The following LRRC8B variants were observed in gnomAD, a reference collection of about 807,000 sequenced individuals.
LRRC8B encodes the protein volume-regulated anion channel subunit LRRC8B.
Under a neutral mutation model 58.8 loss-of-function variants are expected in LRRC8B, and 23 were observed. The ratio of observed to expected loss-of-function variants is 0.39; its 90% CI spans 0.28 to 0.55. The LOEUF (loss-of-function observed/expected upper bound fraction) is 0.55. LRRC8B is among the 20% of genes least tolerant of loss of function. The probability of loss-of-function intolerance (pLI) is 0.62; values close to 1 mark genes in which losing one functional copy is unlikely to be tolerated. For missense variants in LRRC8B, 694 were observed against 936.0 expected, an observed-to-expected ratio of 0.74 and a Z score of 3.37; for synonymous variants, 359 against 374.1, an observed-to-expected ratio of 0.96 and a Z score of 0.47.
intron 1 of LRRC8B, among the ~76,000 whole-genome samples, chr1:89,542,829 A>G (rs1304176175): frequency 2.0e-5 from 3 of 152,208 alleles, no homozygotes; most frequent in Non-Finnish European, 4.4e-5. Flanking sequence ...AGCATATTCA[A>G]CTACTTCAAC....
intron 1 of LRRC8B, among the ~76,000 whole-genome samples, chr1:89,539,137 A>C (rs1454512878): frequency 6.6e-6 from 1 of 152,194 alleles, no homozygotes; most frequent in Non-Finnish European, 1.5e-5. Flanking sequence ...TGCTCTCTTA[A>C]AGGCAAAGAA....
At chr1:89,531,299 A>C (rs950097810) in intron 1 of LRRC8B, among the ~76,000 whole-genome samples, 1 of 152,264 alleles carries the variant, frequency 6.6e-6, no homozygotes, top group African/African-American at 2.4e-5. Context: ...ATAGCTTCAC[A>C]GGAAAAAAAG....
intron 1 of LRRC8B, among the ~76,000 whole-genome samples, chr1:89,543,756 A>G (rs577365221): frequency 3.5e-4 from 53 of 151,974 alleles, no homozygotes; most frequent in African/African-American, 1.3e-3. Context: ...TTGGCCTCCC[A>G]AAGTGCTGGG....
chr1:89,553,989 C>T (rs1427641755), intron 1 of LRRC8B, among the ~76,000 whole-genome samples: 1 of 152,154 alleles, frequency 6.6e-6, no homozygotes, highest in African/African-American at 2.4e-5. Flanking sequence ...ATTCCTCTCT[C>T]CTTGTAAAAA....
intron 1 of LRRC8B, among the ~76,000 whole-genome samples, chr1:89,543,737 C>A (rs1046179729): frequency 3.3e-5 from 5 of 151,814 alleles, no homozygotes; most frequent in African/African-American, 1.2e-4. Context: ...CTCAGATGAT[C>A]CACCCACCTT....
At chr1:89,551,844 T>G (rs1189947278) in intron 1 of LRRC8B, among the ~76,000 whole-genome samples, 1 of 152,236 alleles carries the variant, frequency 6.6e-6, no homozygotes, top group Non-Finnish European at 1.5e-5. Context: ...TAGAATTGAC[T>G]CAGTTTCTTA....
intron 3 of LRRC8B, among the ~76,000 whole-genome samples, chr1:89,574,560 C>G (rs1482841116): frequency 6.6e-6 from 1 of 152,168 alleles, no homozygotes; most frequent in Non-Finnish European, 1.5e-5. Flanking sequence ...AGCAAAATAT[C>G]AGAAGCTCTG....
intron 3 of LRRC8B, among the ~76,000 whole-genome samples, chr1:89,575,323 T>A (rs545139711): frequency 6.6e-6 from 1 of 152,312 alleles, no homozygotes; most frequent in Non-Finnish European, 1.5e-5. Context: ...TAGCTTTCAC[T>A]TTTATGCTTG....
Position 89,596,930 on chromosome 1 carries a change from A to C in LRRC8B, c.*3887A>C, listed in dbSNP as rs1655332495. Reference sequence around the variant, plus strand: ...TTTCAGTAACTGTACATTGCATCAGAATCTGTTTATTTCTATCTGGAAACA... The same window carrying C: ...TTTCAGTAACTGTACATTGCATCAGCATCTGTTTATTTCTATCTGGAAACA... On this transcript the variant is annotated 3_prime_UTR_variant, in exon 6 of 6. Coordinates refer to ENST00000330947, the MANE Select transcript of LRRC8B (RefSeq NM_001369817.2). The C allele has an allele frequency of 6.6e-6, 1 of 152,186 alleles. No individual in the cohort carries two copies. Among genetic ancestry groups the C allele is most frequent in the Admixed American group, 6.5e-5 (1 of 15,282 alleles). The allele number at this position is 152,186 out of a possible 1,614,324, so 9.4% of individuals were successfully genotyped here.
At chr1:89,564,292 C>T (rs1456995254) in intron 1 of LRRC8B, among the ~76,000 whole-genome samples, 5 of 152,178 alleles carry the variant, frequency 3.3e-5, no homozygotes, top group African/African-American at 9.7e-5. Context: ...AGATGGAATA[C>T]TGAGCAATGA....
intron 1 of LRRC8B, among the ~76,000 whole-genome samples, chr1:89,535,691 A>G (rs1197738365): frequency 6.6e-6 from 1 of 152,206 alleles, no homozygotes; most frequent in Non-Finnish European, 1.5e-5. Context: ...TTATTAGACT[A>G]GATACAAAAA....
intron 3 of LRRC8B, among the ~76,000 whole-genome samples, chr1:89,577,217 A>G (rs960772536): frequency 6.6e-6 from 1 of 152,180 alleles, no homozygotes; most frequent in Non-Finnish European, 1.5e-5. Context: ...GACACTAAAT[A>G]CCATCTGATC....
intron 1 of LRRC8B, among the ~76,000 whole-genome samples, chr1:89,534,590 G>A (rs1375253341): frequency 6.6e-6 from 1 of 151,984 alleles, no homozygotes; most frequent in African/African-American, 2.4e-5. Context: ...GGCTCTAAAT[G>A]TTGAAAAACA....
chr1:89,555,349 G>A (rs1346805155), intron 1 of LRRC8B, among the ~76,000 whole-genome samples: 3 of 152,156 alleles, frequency 2.0e-5, no homozygotes, highest in African/African-American at 7.2e-5. Context: ...AAAGGATTCA[G>A]GAAGCCTTTC....
intron 1 of LRRC8B, among the ~76,000 whole-genome samples, chr1:89,562,263 G>A (rs1301705665): frequency 2.0e-5 from 3 of 150,932 alleles, no homozygotes; most frequent in African/African-American, 4.9e-5. Flanking sequence ...TATTATTGCC[G>A]TCCTTGATGC....
chr1:89,545,719 C>T (rs1156282870), intron 1 of LRRC8B, among the ~76,000 whole-genome samples: 1 of 152,124 alleles, frequency 6.6e-6, no homozygotes, highest in Non-Finnish European at 1.5e-5. Context: ...GAGTGTTCAA[C>T]TTAAGAGTTA....
At chr1:89,576,099 T>C (rs1409553169) in intron 3 of LRRC8B, among the ~76,000 whole-genome samples, 3 of 152,216 alleles carry the variant, frequency 2.0e-5, no homozygotes, top group Non-Finnish European at 2.9e-5. Context: ...ATTTGCTGGA[T>C]GACAGCACTA....
At chr1:89,538,696 A>G (rs1650720568) in intron 1 of LRRC8B, among the ~76,000 whole-genome samples, 1 of 151,912 alleles carries the variant, frequency 6.6e-6, no homozygotes. Flanking sequence ...AAAGGTTTAA[A>G]TTAGCATCTT....
In LRRC8B at chr1:89,594,883, T is replaced by C. The variant is rs1465111324; in HGVS notation, c.*1840T>C. 1.3e-5 allele frequency: 2 copies of C among 152,142 alleles called. No individual in the cohort carries two copies. Among genetic ancestry groups the C allele is most frequent in the African/African-American group, 2.4e-5 (1 of 41,436 alleles). The allele number at this position is 152,142 out of a possible 1,614,324, so 9.4% of individuals were successfully genotyped here. A position where few individuals can be genotyped will look rare whatever the true frequency, so the allele number is the denominator to read the frequency against. ...ACCTACACAAAACTGGAAAACACTA[T>C]AGGTAAACAGTACTGTGTATATGGA... On this transcript the variant is annotated 3_prime_UTR_variant, in exon 6 of 6. Transcript: ENST00000330947.
Sources: allele counts gnomAD v4.1 joint callset (sites outside exome capture counted in the v4.1 genomes callset), GRCh38; gene constraint gnomAD v4.1.1; transcripts MANE v1.5; gene names NCBI Gene and HGNC (gene_info 2026-07-23, HGNC 2026-07-21).